Variants in GBE1 observed in about 807,000 individuals in gnomAD.
GBE1 encodes 1,4-alpha-glucan-branching enzyme.
GBE1 carries 70 observed loss-of-function variants against 88.8 expected under a neutral mutation model. The observed-to-expected ratio is 0.79, with a 90% CI of 0.65 to 0.96. GBE1 has a LOEUF of 0.96. Among genes scored for constraint, GBE1 ranks in the 40% least tolerant of loss-of-function variants. GBE1 has a pLI of 0.00. For synonymous variants in GBE1, 284 were observed against 300.1 expected (o/e 0.95, Z 0.56); for missense variants, 872 against 871.0 (o/e 1.00, Z -0.01).
At chr3:81,689,375 C>G (rs1237038083) in intron 2 of GBE1, among the ~76,000 whole-genome samples, 1 of 152,222 alleles carries the variant, frequency 6.6e-6, no homozygotes, top group Non-Finnish European at 1.5e-5. Flanking sequence ...GGAGGCTTAA[C>G]ATGTTCAAGA....
chr3:81,697,312 T>C (rs1705611605), intron 2 of GBE1, among the ~76,000 whole-genome samples: 1 of 151,746 alleles, frequency 6.6e-6, no homozygotes, highest in Non-Finnish European at 1.5e-5. Flanking sequence ...TTTTTTTTTT[T>C]TTTTTGAGGC....
chr3:81,554,514 G>T (rs1703320317), intron 12 of GBE1, among the ~76,000 whole-genome samples: 1 of 152,250 alleles, frequency 6.6e-6, no homozygotes, highest in African/African-American at 2.4e-5. Flanking sequence ...CCTATGATTA[G>T]GATATGCTAC....
intron 1 of GBE1, among the ~76,000 whole-genome samples, chr3:81,752,858 A>G (rs768755256): frequency 5.3e-5 from 8 of 152,222 alleles, no homozygotes; most frequent in Non-Finnish European, 1.0e-4. Flanking sequence ...TTCAGAATAC[A>G]GTGTTAAAGA....
At chr3:81,685,272 C>T (rs1160731139) in intron 2 of GBE1, among the ~76,000 whole-genome samples, 2 of 152,140 alleles carry the variant, frequency 1.3e-5, no homozygotes, top group Non-Finnish European at 2.9e-5. Flanking sequence ...TAAGTGCAGG[C>T]ACCTTTACCT....
intron 14 of GBE1, among the ~76,000 whole-genome samples, chr3:81,522,643 G>C (rs1040188412): frequency 6.6e-6 from 1 of 151,434 alleles, no homozygotes; most frequent in Non-Finnish European, 1.5e-5. Flanking sequence ...TATTCAAAGA[G>C]AATTATTAAA....
chr3:81,564,171 C>T lies in GBE1; in HGVS notation c.1618+13754G>A, dbSNP rs190979933. 1.1e-4 allele frequency among the ~76,000 whole-genome samples: 16 copies of T among 152,178 alleles called. No homozygotes were observed. The East Asian group carries it at 3.1e-3, about 29-fold the overall frequency. ...AGGAACACTTTCCTGCACCTCTGTC[C>T]ATTTCTCCATGTGAGGATACAATGC... On this transcript the variant is annotated intron_variant, in intron 12 of 15. Transcript: ENST00000429644.
intron 7 of GBE1, among the ~76,000 whole-genome samples, chr3:81,629,564 A>G (rs1414555050): frequency 6.6e-6 from 1 of 152,162 alleles, no homozygotes; most frequent in Non-Finnish European, 1.5e-5. Context: ...GATTTACCCA[A>G]TGTAATGATT....
At chr3:81,749,889 G>A (rs1706471651) in intron 1 of GBE1, among the ~76,000 whole-genome samples, 1 of 152,134 alleles carries the variant, frequency 6.6e-6, no homozygotes, top group Non-Finnish European at 1.5e-5. Flanking sequence ...CTTGGAACCT[G>A]CTAAAACCAA....
intron 8 of GBE1, among the ~76,000 whole-genome samples, chr3:81,592,419 C>T (rs1055839911): frequency 2.6e-5 from 4 of 151,834 alleles, no homozygotes; most frequent in Non-Finnish European, 5.9e-5. Context: ...TTTTTTCATG[C>T]ATGCAAGTAA....
At chr3:81,498,111 C>T (rs1354439957) in intron 15 of GBE1, among the ~76,000 whole-genome samples, 1 of 152,144 alleles carries the variant, frequency 6.6e-6, no homozygotes, top group African/African-American at 2.4e-5. Context: ...TCCTCACAAC[C>T]CATAATCCAG....
chr3:81,761,321 C>T, intron 1 of GBE1, 54 bp downstream of exon 1: 8 of 1,561,702 alleles, frequency 5.1e-6, no homozygotes, highest in Middle Eastern at 1.9e-4. Context: ...CCCGAGACGG[C>T]TCCTGGGAGG....
At chr3:81,571,676 A>G (rs934503310) in intron 12 of GBE1, among the ~76,000 whole-genome samples, 1 of 152,220 alleles carries the variant, frequency 6.6e-6, no homozygotes, top group African/African-American at 2.4e-5. Flanking sequence ...TGTTCCAAGA[A>G]TAATTTTTAC....
intron 7 of GBE1, among the ~76,000 whole-genome samples, chr3:81,639,889 C>G (rs1040623394): frequency 6.6e-6 from 1 of 152,168 alleles, no homozygotes; most frequent in East Asian, 1.9e-4. Context: ...ATATGAGCCA[C>G]CCCAGGGGAC....
At chr3:81,522,463 T>G (rs544130746) in intron 14 of GBE1, among the ~76,000 whole-genome samples, 6 of 151,400 alleles carry the variant, frequency 4.0e-5, no homozygotes, top group Non-Finnish European at 8.9e-5. Context: ...CTCAGAGTTA[T>G]GGCTGGTGTT....
At chr3:81,544,788 A>T (rs1021606674) in intron 12 of GBE1, among the ~76,000 whole-genome samples, 2 of 152,148 alleles carry the variant, frequency 1.3e-5, no homozygotes, top group African/African-American at 4.8e-5. Context: ...TAAAGGTCCA[A>T]ACTATAACTT....
At chr3:81,653,231 AG>A (rs1304152734) in intron 3 of GBE1, among the ~76,000 whole-genome samples, 1 of 152,158 alleles carries the variant, frequency 6.6e-6, no homozygotes, top group Non-Finnish European at 1.5e-5. Context: ...TGGGAGGCTG[AG>A]ATGGGAGGAT....
intron 1 of GBE1, among the ~76,000 whole-genome samples, chr3:81,742,457 G>A (rs1706362357): frequency 6.6e-6 from 1 of 152,060 alleles, no homozygotes. Context: ...TGAAAACTGG[G>A]CATGCATGTC....
chr3:81,700,865 A>G (rs1336154209), intron 2 of GBE1, among the ~76,000 whole-genome samples: 1 of 152,108 alleles, frequency 6.6e-6, no homozygotes, highest in African/African-American at 2.4e-5. Flanking sequence ...AGGTTATTTG[A>G]AAGGTGCCTA....
intron 1 of GBE1, among the ~76,000 whole-genome samples, chr3:81,758,633 G>A (rs1405860719): frequency 6.6e-6 from 1 of 152,200 alleles, no homozygotes; most frequent in Non-Finnish European, 1.5e-5. Flanking sequence ...ACTAATTGTA[G>A]TGTAACAACA....
Sources: allele counts gnomAD v4.1 joint callset (sites outside exome capture counted in the v4.1 genomes callset), GRCh38; gene constraint gnomAD v4.1.1; transcripts MANE v1.5; gene names NCBI Gene and HGNC (gene_info 2026-07-23, HGNC 2026-07-21).